PDGFD: variants seen among roughly 807,000 people sequenced by gnomAD.
PDGFD encodes platelet-derived growth factor D.
A neutral mutation model predicts 44.7 loss-of-function variants in PDGFD; 30 were observed. That is an observed-to-expected ratio of 0.67 (90% CI 0.50 to 0.91). PDGFD has a LOEUF of 0.91. Among genes scored for constraint, PDGFD ranks in the 40% least tolerant of loss-of-function variants. The pLI is 0.00. For missense variants in PDGFD, 445 were observed against 457.8 expected (o/e 0.97, Z 0.25); for synonymous variants, 173 against 168.4 (o/e 1.03, Z -0.21).
Position 104,139,755 on chromosome 11 carries a change from C to T in PDGFD, c.124+24049G>A, listed in dbSNP as rs1189439807. ...GTTCTTGTCATGTCTTAATAAATAA[C>T]GGCCGGGCGCGGTGGCTCACGCCTG... On this transcript the variant is annotated intron_variant, in intron 1 of 6. Transcript: ENST00000393158. Among the ~76,000 whole-genome samples the T allele has an allele frequency of 2.3e-5, 2 of 86,074 alleles. 1 individual carries two copies. Among genetic ancestry groups the T allele is most frequent in the African/African-American group, 1.2e-4 (2 of 16,154 alleles). The allele number at this position is 86,074 out of a possible 152,430, so 56.5% of individuals were successfully genotyped here. A position where few individuals can be genotyped will look rare whatever the true frequency, so the allele number is the denominator to read the frequency against.
At chr11:104,091,714 T>A (rs996092905) in intron 1 of PDGFD, among the ~76,000 whole-genome samples, 1 of 152,192 alleles carries the variant, frequency 6.6e-6, no homozygotes, top group Non-Finnish European at 1.5e-5. Flanking sequence ...ATTGTTCCTA[T>A]AATAAATAAT....
chr11:104,103,462 G>GTGTGTGTATATATATA (rs1041388346), intron 1 of PDGFD, among the ~76,000 whole-genome samples: 1 of 133,266 alleles, frequency 7.5e-6, no homozygotes, highest in Non-Finnish European at 1.6e-5. Flanking sequence ...GTGTGTGTGT[G>GTGTGTGTATATATATA]TATATATATA....
At chr11:103,974,858 G>T (rs1859159205) in intron 3 of PDGFD, among the ~76,000 whole-genome samples, 1 of 152,170 alleles carries the variant, frequency 6.6e-6, no homozygotes, top group South Asian at 2.1e-4. Context: ...GTACTCCATG[G>T]TGTATATTTG....
intron 3 of PDGFD, among the ~76,000 whole-genome samples, chr11:103,965,214 C>T (rs771527023): frequency 1.6e-4 from 25 of 152,236 alleles, no homozygotes; most frequent in Middle Eastern, 3.4e-3. Context: ...TCAGTTAAGA[C>T]GGCTCTTCAA....
At chr11:103,939,238 T>C (rs924215262) in intron 5 of PDGFD, among the ~76,000 whole-genome samples, 11 of 152,158 alleles carry the variant, frequency 7.2e-5, no homozygotes, top group Non-Finnish European at 1.0e-4. Flanking sequence ...CATTGAGCAG[T>C]GGTTTGTAGT....
chr11:103,908,174 T>C lies in PDGFD; in HGVS notation c.*1520A>G, dbSNP rs1478047774. ...TTAACTTTCAAGGCAATAAGAAAAA[T>C]GTAGTTCTCTGTTAGCAGTCCCTGA... is the stretch of plus-strand genomic sequence containing the variant. On this transcript the variant is annotated 3_prime_UTR_variant, in exon 7 of 7. Transcript: ENST00000393158. The C allele has an allele frequency of 2.0e-5, 3 of 152,116 alleles. No individual in the cohort carries two copies. Among genetic ancestry groups the C allele is most frequent in the Non-Finnish European group, 4.4e-5 (3 of 68,022 alleles). 9.4% of individuals were successfully genotyped at this position (152,116 alleles called of 1,614,324 possible). A position where few individuals can be genotyped will look rare whatever the true frequency, so the allele number is the denominator to read the frequency against.
chr11:104,110,067 T>C (rs1016622584), intron 1 of PDGFD, among the ~76,000 whole-genome samples: 1 of 152,110 alleles, frequency 6.6e-6, no homozygotes, highest in African/African-American at 2.4e-5. Context: ...TAATTAAAAA[T>C]AAAGCATTAT....
At chr11:104,133,479 A>T (rs1331197619) in intron 1 of PDGFD, among the ~76,000 whole-genome samples, 2 of 152,140 alleles carry the variant, frequency 1.3e-5, no homozygotes, top group Non-Finnish European at 2.9e-5. Context: ...GAATACAATG[A>T]AGATATCCAG....
intron 3 of PDGFD, among the ~76,000 whole-genome samples, chr11:103,952,097 C>T (rs955819461): frequency 1.3e-5 from 2 of 152,142 alleles, no homozygotes; most frequent in Non-Finnish European, 2.9e-5. Context: ...CTATGCCATA[C>T]TATTTGTTAT....
At chr11:104,116,168 T>C (rs1352853932) in intron 1 of PDGFD, among the ~76,000 whole-genome samples, 2 of 152,096 alleles carry the variant, frequency 1.3e-5, no homozygotes, top group East Asian at 3.9e-4. Flanking sequence ...TTTCAGGTCT[T>C]AGATTTAAGC....
At chr11:104,076,127 A>G (rs1209963088) in intron 1 of PDGFD, among the ~76,000 whole-genome samples, 2 of 152,144 alleles carry the variant, frequency 1.3e-5, no homozygotes. Context: ...ATTGCTCAGC[A>G]CTTCTCCTTC....
intron 1 of PDGFD, among the ~76,000 whole-genome samples, chr11:104,129,564 A>G (rs1284743727): frequency 6.6e-6 from 1 of 152,180 alleles, no homozygotes; most frequent in Non-Finnish European, 1.5e-5. Flanking sequence ...AGCATTGTGC[A>G]CCAGCATCAG....
intron 1 of PDGFD, among the ~76,000 whole-genome samples, chr11:104,097,639 T>C (rs946053276): frequency 9.9e-5 from 15 of 152,208 alleles, no homozygotes; most frequent in African/African-American, 3.4e-4. Flanking sequence ...CTTATATTTG[T>C]AGTATATGAA....
chr11:104,142,521 T>A (rs989044039), intron 1 of PDGFD, among the ~76,000 whole-genome samples: 5 of 152,156 alleles, frequency 3.3e-5, no homozygotes, highest in Admixed American at 2.6e-4. Context: ...CTTATCTACC[T>A]AGCATACTGC....
chr11:104,144,294 G>A (rs1591185237), intron 1 of PDGFD, among the ~76,000 whole-genome samples: 3 of 152,032 alleles, frequency 2.0e-5, no homozygotes, highest in Admixed American at 2.0e-4. Flanking sequence ...GTCACTTGAG[G>A]TTAGGAGTTA....
At chr11:103,979,445 A>G (rs538845872) in intron 3 of PDGFD, among the ~76,000 whole-genome samples, 1 of 152,164 alleles carries the variant, frequency 6.6e-6, no homozygotes, top group African/African-American at 2.4e-5. Flanking sequence ...TATTTCAGCT[A>G]TCACTGATCT....
chr11:103,943,464 G>A lies in PDGFD; in HGVS notation c.760C>T (p.Arg254Trp), dbSNP rs138512366. 3.3e-4 allele frequency: 524 copies of A among 1,611,822 alleles called. No homozygotes were observed. The highest frequency in any genetic ancestry group is 4.2e-4 in the Non-Finnish European group (495 of 1,179,086). ...GTCTGTCTCTTACCTTTTGACTTCC[G>A]GTCATGGTATGACCTGCCTCGATAC... Reference protein sequence around the residue: ...PRYRGRSYHDRKSKVDLDRLN... With the variant: ...PRYRGRSYHDWKSKVDLDRLN... Residue 254 changes from arginine to tryptophan, a missense_variant, in exon 5 of 7, where the codon CGG becomes TGG. Transcript: ENST00000393158.
intron 1 of PDGFD, among the ~76,000 whole-genome samples, chr11:104,102,696 A>G (rs1195430743): frequency 2.0e-5 from 3 of 152,248 alleles, no homozygotes; most frequent in African/African-American, 7.2e-5. Flanking sequence ...CATCAGTGAT[A>G]GACTGGATTA....
At chr11:103,912,053 T>C (rs908864582) in intron 6 of PDGFD, among the ~76,000 whole-genome samples, 1 of 152,134 alleles carries the variant, frequency 6.6e-6, no homozygotes, top group Admixed American at 6.5e-5. Context: ...TGGAAAACAC[T>C]CTTCAGGGTA....
Sources: gnomAD v4.1 joint callset for allele counts (sites outside exome capture counted in the v4.1 genomes callset) on GRCh38, gnomAD v4.1.1 for gene constraint, MANE v1.5 for transcripts, NCBI Gene and HGNC (gene_info 2026-07-23, HGNC 2026-07-21) for gene names.